MCF2: variants seen among roughly 807,000 people sequenced by gnomAD.
MCF2 encodes MCF.2 cell line derived transforming sequence, also known as proto-oncogene DBL.
A neutral mutation model predicts 82.5 loss-of-function variants in MCF2; 44 were observed. That is an observed-to-expected ratio of 0.53 (90% CI 0.42 to 0.69). The LOEUF (loss-of-function observed/expected upper bound fraction) is 0.69. MCF2 is among the 30% of genes least tolerant of loss of function. The pLI is 0.00. For synonymous variants in MCF2, 217 were observed against 224.9 expected (o/e 0.96, Z 0.32); for missense variants, 623 against 663.1 (o/e 0.94, Z 0.66).
At chrX:139,610,216 G>A in intron 11 of MCF2, 85 bp downstream of exon 15, 1 of 595,605 alleles carries the variant, frequency 1.7e-6, no homozygotes, top group Non-Finnish European at 2.6e-6. Context: ...TATTTGTCTA[G>A]TGAATGAAAC....
Position 139,651,784 on chromosome X carries a change from G to T in MCF2, c.-40C>A, listed in dbSNP as rs749937480. 7 of 1,135,590 alleles carry T rather than the reference G, an allele frequency of 6.2e-6. No individual in the cohort carries two copies. In the East Asian group the frequency reaches 2.3e-4, roughly 37 times the overall value. The allele number at this position is 1,135,590 out of a possible 1,213,427, so 93.6% of individuals were successfully genotyped here. ...TGTCCTTTATACGGAGGAGCAGATC[G>T]GTTTCTATGACAAACGAAAATAGAA... On this transcript the variant is annotated 5_prime_UTR_variant, in exon 2 of 28. Transcript: ENST00000414978.
At chrX:139,631,115 T>C (rs1434666882) in intron 3 of MCF2, among the ~76,000 whole-genome samples, 1 of 111,579 alleles carries the variant, frequency 9.0e-6, no homozygotes, top group Non-Finnish European at 1.9e-5. Context: ...CAAGTTACTA[T>C]ATAGCCACAG....
intron 16 of MCF2, among the ~76,000 whole-genome samples, chrX:139,600,863 A>G (rs1348986998): frequency 3.6e-5 from 4 of 111,857 alleles, no homozygotes; most frequent in African/African-American, 1.3e-4. Flanking sequence ...ACAAAGAGAA[A>G]TAGAAGAAAA....
chrX:139,604,780 A>G (rs1930848978), intron 14 of MCF2, 30 bp from the exon 19 acceptor site: 2 of 1,126,359 alleles, frequency 1.8e-6, no homozygotes, highest in African/African-American at 1.8e-5. Context: ...AAAAAATTGC[A>G]TGATTTTATG....
intron 8 of MCF2, among the ~76,000 whole-genome samples, chrX:139,616,708 A>G (rs886195286): frequency 1.8e-5 from 2 of 110,919 alleles, no homozygotes; most frequent in Non-Finnish European, 3.8e-5. Context: ...CTGCTGATAC[A>G]CAGCCGAGGT....
chrX:139,612,691 T>C (rs1931589666), intron 10 of MCF2, among the ~76,000 whole-genome samples: 1 of 112,130 alleles, frequency 8.9e-6, no homozygotes, highest in East Asian at 2.8e-4. Context: ...TGGATTGTTA[T>C]AATCCCTATT....
At chrX:139,609,440 T>C (rs1182808601) in intron 11 of MCF2, among the ~76,000 whole-genome samples, 1 of 111,090 alleles carries the variant, frequency 9.0e-6, no homozygotes, top group East Asian at 2.8e-4. Context: ...TCTAAGATAC[T>C]CAGGAGCCTG....
chrX:139,604,850 C>T lies in MCF2; in HGVS notation c.1673+19G>A, dbSNP rs1226292104. 2.5e-5 allele frequency: 26 copies of T among 1,060,800 alleles called. No individual in the cohort carries two copies. The highest frequency in any genetic ancestry group is 3.0e-5 in the East Asian group (1 of 32,894). The allele number at this position is 1,060,800 out of a possible 1,213,427, so 87.4% of individuals were successfully genotyped here. On this transcript the variant is annotated intron_variant, in intron 14 of 24. Transcript: ENST00000370576. Reference sequence around the variant, plus strand: ...AATAGTTTTATAAAAAATAAATATTCAATTCAGCAATTACATACTCGTTAT... The same window carrying T: ...AATAGTTTTATAAAAAATAAATATTTAATTCAGCAATTACATACTCGTTAT...
chrX:139,613,262 C>T, intron 10 of MCF2: 1 of 1,144,608 alleles, frequency 8.7e-7, no homozygotes, highest in Non-Finnish European at 1.2e-6. Flanking sequence ...ATCCAACTCC[C>T]ACTGCAGAAG....
At chrX:139,586,842 G>A (rs996119135) in intron 22 of MCF2, among the ~76,000 whole-genome samples, 2 of 111,503 alleles carry the variant, frequency 1.8e-5, no homozygotes, top group African/African-American at 6.5e-5. Flanking sequence ...GATTCATATT[G>A]TTGAGTATGT....
intron 6 of MCF2, 93 bp downstream of exon 9, chrX:139,626,100 A>G (rs779801272): frequency 1.2e-4 from 56 of 462,527 alleles, no homozygotes; most frequent in Non-Finnish European, 1.9e-4. Context: ...GTAGGTATAA[A>G]TGGGCATCTT....
chrX:139,639,516 G>A (rs368470103), intron 1 of MCF2, among the ~76,000 whole-genome samples: 2 of 110,799 alleles, frequency 1.8e-5, no homozygotes, highest in Non-Finnish European at 3.8e-5. Flanking sequence ...TCAAGGTAAC[G>A]AGCACAAAAT....
chrX:139,596,601 C>G, exon 19 of MCF2: 2 of 1,210,871 alleles, frequency 1.7e-6, no homozygotes, highest in South Asian at 1.8e-5. Context: ...GCCTTCTCCA[C>G]TTTCAACACG....
At position 139,652,939 on chromosome X, in the gene MCF2, AC is replaced by A. The variant is rs1348226134; in HGVS notation, c.-44-1152del. On this transcript the variant is annotated intron_variant, in intron 1 of 27. Coordinates refer to the MCF2 transcript ENST00000414978. ...GTGGAATAGGTTATCTGTTATAGAC[AC>A]CCCCCCGACACATGATTAGAAACAT... Among the ~76,000 whole-genome samples, 3 of 109,994 alleles carry A rather than the reference AC, an allele frequency of 2.7e-5. No individual in the cohort carries two copies. In the South Asian group the frequency reaches 1.2e-3, roughly 44 times the overall value.
At chrX:139,647,327 G>C (rs923371659), upstream of MCF2, among the ~76,000 whole-genome samples, 3 of 111,672 alleles carry the variant, frequency 2.7e-5, no homozygotes, top group African/African-American at 9.8e-5. Context: ...TGGTGAGCAG[G>C]AAAAGATACA....
At chrX:139,634,607 C>A (rs763576245) in intron 1 of MCF2, among the ~76,000 whole-genome samples, 36 of 111,599 alleles carry the variant, frequency 3.2e-4, no homozygotes, top group African/African-American at 1.2e-3. Flanking sequence ...ATAAATTAAA[C>A]AATGATTATC....
intron 24 of MCF2, among the ~76,000 whole-genome samples, chrX:139,583,950 C>T (rs1191833634): frequency 9.1e-6 from 1 of 110,152 alleles, no homozygotes; most frequent in Non-Finnish European, 1.9e-5. Flanking sequence ...TAATAAAGCC[C>T]GCTCTTTTTC....
chrX:139,592,738 G>A (rs1180960917), intron 19 of MCF2, among the ~76,000 whole-genome samples: 7 of 111,633 alleles, frequency 6.3e-5, no homozygotes, highest in South Asian at 3.8e-4. Flanking sequence ...ACGAAACCAA[G>A]AGTTTTAAAG....
At position 139,627,352 on chromosome X, in the gene MCF2, C is replaced by T. The variant is rs772553798; in HGVS notation, c.439-596G>A. On this transcript the variant is annotated intron_variant, in intron 4 of 24. Transcript: ENST00000370576. ...ATGCATATTCAGATACAGTTAAATG[C>T]CTTTGCTACTAATCCTTAATTGTTA... Among the ~76,000 whole-genome samples the T allele has an allele frequency of 5.3e-5, 6 of 112,247 alleles. No homozygotes were observed. In the South Asian group the frequency reaches 2.2e-3, roughly 42 times the overall value.
Sources: gnomAD v4.1 joint callset for allele counts (sites outside exome capture counted in the v4.1 genomes callset) on GRCh38, gnomAD v4.1.1 for gene constraint, MANE v1.5 for transcripts, NCBI Gene and HGNC (gene_info 2026-07-23, HGNC 2026-07-21) for gene names.